The following CCT3 variants were observed in gnomAD, a reference collection of about 807,000 sequenced individuals.
The protein encoded by CCT3 is T-complex protein 1 subunit gamma.
In CCT3, 10 loss-of-function variants were observed where a neutral mutation model predicts 65.3. The observed-to-expected ratio is 0.15, with a 90% CI of 0.09 to 0.26. The LOEUF (loss-of-function observed/expected upper bound fraction) is 0.26, where lower values mean the gene tolerates loss of function less well. CCT3 is among the 10% of genes least tolerant of loss of function. The pLI is 1.00. For synonymous variants in CCT3, 225 were observed against 242.3 expected, an observed-to-expected ratio of 0.93 and a Z score of 0.66; for missense variants, 626 against 708.7, an observed-to-expected ratio of 0.88 and a Z score of 1.33.
chr1:156,326,649 C>CAAAAAAAAAAAAAAAAAAAAAAAAA (rs760908966), intron 5 of CCT3, among the ~76,000 whole-genome samples: 1 of 65,710 alleles, frequency 1.5e-5, no homozygotes, highest in Non-Finnish European at 2.9e-5. Context: ...GACTCCATCT[C>CAAAAAAAAAAAAAAAAAAAAAAAAA]AAAAAAAAAA....
intron 7 of CCT3, 120 bp downstream of exon 7, chr1:156,320,719 T>C: frequency 1.3e-6 from 1 of 768,634 alleles, no homozygotes; most frequent in South Asian, 1.7e-5. Context: ...GGCAACAAGG[T>C]GAGACTCTGT....
intron 5 of CCT3, chr1:156,332,812 G>A (rs1172683725): frequency 2.0e-5 from 3 of 152,228 alleles, no homozygotes; most frequent in African/African-American, 7.2e-5. Context: ...GTCCAGGCAT[G>A]AGTTATATTG....
At position 156,309,034 on chromosome 1, in the gene CCT3, A is replaced by T; in HGVS notation, c.*165T>A. ...AAACCTTACAATAGAGAAGAATTAC[A>T]TGTCAGTGTCTTTTGGAAAACTGAG... On this transcript the variant is annotated 3_prime_UTR_variant, in exon 14 of 14. Transcript: ENST00000295688. 1.7e-6 allele frequency: 1 copy of T among 595,430 alleles called. No individual in the cohort carries two copies. The highest frequency in any genetic ancestry group is 3.0e-6 in the Non-Finnish European group (1 of 332,834). 36.9% of individuals were successfully genotyped at this position (595,430 alleles called of 1,614,324 possible). A position where few individuals can be genotyped will look rare whatever the true frequency, so the allele number is the denominator to read the frequency against.
chr1:156,328,545 C>G (rs1208039752), intron 5 of CCT3, among the ~76,000 whole-genome samples: 1 of 151,954 alleles, frequency 6.6e-6, no homozygotes, highest in Non-Finnish European at 1.5e-5. Flanking sequence ...TCCTGTTGAT[C>G]TGTGACCTTA....
chr1:156,325,577 ATTTTT>A (rs549653555), intron 5 of CCT3, among the ~76,000 whole-genome samples: 1 of 137,942 alleles, frequency 7.2e-6, no homozygotes, highest in East Asian at 2.1e-4. Context: ...TATTCTTTTG[ATTTTT>A]TTTTTTTTTT....
chr1:156,338,029 A>T, intron 1 of CCT3, 125 bp downstream of exon 1: 1 of 1,081,404 alleles, frequency 9.2e-7, no homozygotes, highest in Non-Finnish European at 1.4e-6. Flanking sequence ...GGGCTTCCAA[A>T]ATGAAGACGA....
chr1:156,325,576 GA>G (rs1432105295), intron 5 of CCT3, among the ~76,000 whole-genome samples: 5 of 143,428 alleles, frequency 3.5e-5, no homozygotes, highest in Non-Finnish European at 7.7e-5. Context: ...TTATTCTTTT[GA>G]TTTTTTTTTT....
chr1:156,330,005 T>C (rs541811261), intron 5 of CCT3, among the ~76,000 whole-genome samples: 19 of 152,086 alleles, frequency 1.2e-4, no homozygotes, highest in African/African-American at 4.1e-4. Context: ...TAAGAAATTA[T>C]TAGAACTGTA....
chr1:156,338,070 G>C, intron 1 of CCT3, 84 bp downstream of exon 1: 3 of 1,457,614 alleles, frequency 2.1e-6, no homozygotes, highest in Non-Finnish European at 1.9e-6. Flanking sequence ...CCGGTCAGTG[G>C]GGGACGGAGC....
chr1:156,323,556 C>T (rs930762860), intron 6 of CCT3, among the ~76,000 whole-genome samples: 10 of 152,094 alleles, frequency 6.6e-5, no homozygotes, highest in African/African-American at 2.4e-4. Flanking sequence ...GCTCTGCCTC[C>T]CGGGTTCATG....
chr1:156,336,927 A>AT (rs1665406129), intron 1 of CCT3, among the ~76,000 whole-genome samples: 1 of 151,726 alleles, frequency 6.6e-6, no homozygotes, highest in African/African-American at 2.4e-5. Context: ...TTTTTATTTT[A>AT]TTTTTTTCCT....
chr1:156,311,330 A>C, intron 11 of CCT3, 135 bp from the exon 12 acceptor site: 1 of 758,940 alleles, frequency 1.3e-6, no homozygotes, highest in South Asian at 1.8e-5. Context: ...TGGAACCCCT[A>C]CTGGGCAGGG....
chr1:156,309,078 G>C lies in CCT3; in HGVS notation c.*121C>G, dbSNP rs1663958212. 2 of 692,290 alleles carry C rather than the reference G, an allele frequency of 2.9e-6. No homozygotes were observed. Among genetic ancestry groups the C allele is most frequent in the South Asian group, 3.3e-5 (2 of 59,896 alleles). 42.9% of individuals were successfully genotyped at this position (692,290 alleles called of 1,614,324 possible). ...AACTGAGCTGGGACAGAAAGGGACT[G>C]GGGGCTGCCCCCCAACCTGATCCCT... On this transcript the variant is annotated 3_prime_UTR_variant, in exon 14 of 14. Coordinates refer to ENST00000295688, the MANE Select transcript of CCT3 (RefSeq NM_005998.5).
chr1:156,328,198 T>TGG lies in CCT3; in HGVS notation c.305-3111_305-3110dup, dbSNP rs565845931. On this transcript the variant is annotated intron_variant, in intron 5 of 13. Transcript: ENST00000295688. ...CCAGCCGCCCCGTCCGGGAGGGAGG[T>TGG]GGGGGGGGTCAGTCCCCCCGTCCGG... 1.3e-3 allele frequency among the ~76,000 whole-genome samples: 129 copies of TGG among 98,898 alleles called. 1 individual carries two copies. The highest frequency in any genetic ancestry group is 5.6e-3 in the Middle Eastern group (1 of 178). The allele number at this position is 98,898 out of a possible 152,430, so 64.9% of individuals were successfully genotyped here.
intron 6 of CCT3, among the ~76,000 whole-genome samples, chr1:156,324,592 C>T (rs1664722564): frequency 6.6e-6 from 1 of 152,028 alleles, no homozygotes; most frequent in South Asian, 2.1e-4. Context: ...CTGCCTCATC[C>T]TCCTGAGTAG....
In CCT3 at chr1:156,338,242, A is replaced by C. The variant is rs1570944404; in HGVS notation, c.-58T>G. 1 of 815,370 alleles carries C rather than the reference A, an allele frequency of 1.2e-6. No homozygotes were observed. The highest frequency in any genetic ancestry group is 1.6e-5 in the African/African-American group (1 of 61,024). The allele number at this position is 815,370 out of a possible 1,614,324, so 50.5% of individuals were successfully genotyped here. A position where few individuals can be genotyped will look rare whatever the true frequency, so the allele number is the denominator to read the frequency against. On this transcript the variant is annotated 5_prime_UTR_variant, in exon 1 of 14. Coordinates refer to ENST00000295688, the MANE Select transcript of CCT3 (RefSeq NM_005998.5). ...TGGGGGAACCGGCAGAACCTTCTGG[A>C]GAGAGAGAACCAGACAGAAGCCCAG...
At chr1:156,325,136 T>G (rs752089213) in intron 5 of CCT3, 47 bp from the exon 6 acceptor site, 22 of 1,291,250 alleles carry the variant, frequency 1.7e-5, no homozygotes, top group Non-Finnish European at 2.5e-5. Context: ...CATCTGGATA[T>G]CAAGGCAAGT....
At chr1:156,317,127 C>T (rs772323191) in intron 10 of CCT3, 39 bp downstream of exon 10, 1 of 1,532,658 alleles carries the variant, frequency 6.5e-7, no homozygotes, top group Non-Finnish European at 9.0e-7. Flanking sequence ...AAAGGAAACA[C>T]ACGGGAAGAA....
intron 5 of CCT3, among the ~76,000 whole-genome samples, chr1:156,332,338 T>C (rs2101673253): frequency 6.6e-6 from 1 of 152,330 alleles, no homozygotes; most frequent in South Asian, 2.1e-4. Flanking sequence ...AAACCAGTGT[T>C]TCTAGTATAA....
Sources: allele counts gnomAD v4.1 joint callset (sites outside exome capture counted in the v4.1 genomes callset), GRCh38; gene constraint gnomAD v4.1.1; transcripts MANE v1.5; gene names NCBI Gene and HGNC (gene_info 2026-07-23, HGNC 2026-07-21).